Variants in POU2F1 observed in about 807,000 individuals in gnomAD.
POU2F1 encodes the protein POU domain, class 2, transcription factor 1.
POU2F1 carries 16 observed loss-of-function variants against 84.9 expected under a neutral mutation model. The ratio of observed to expected loss-of-function variants is 0.19; its 90% confidence interval spans 0.13 to 0.29. The LOEUF is 0.29. POU2F1 is among the 10% of genes least tolerant of loss of function. The pLI, the probability that POU2F1 is intolerant of heterozygous loss-of-function variation, is 1.00. For synonymous variants in POU2F1, 368 were observed against 368.3 expected (o/e 1.00, Z 0.01); for missense variants, 738 against 942.6 (o/e 0.78, Z 2.84).
intron 8 of POU2F1, among the ~76,000 whole-genome samples, 184 bp downstream of exon 8, chr1:167,384,135 G>C (rs1406172389): frequency 6.6e-6 from 1 of 152,140 alleles, no homozygotes; most frequent in Non-Finnish European, 1.5e-5. Flanking sequence ...AAAATCTTCA[G>C]AGTTCCTGTT....
intron 8 of POU2F1, among the ~76,000 whole-genome samples, chr1:167,386,227 C>G (rs986937081): frequency 2.0e-5 from 3 of 152,314 alleles, no homozygotes; most frequent in Admixed American, 6.5e-5. Flanking sequence ...AGGTCTTGCT[C>G]TGTCACCCAG....
chr1:167,413,611 A>G (rs1650118886), intron 15 of POU2F1, among the ~76,000 whole-genome samples: 1 of 152,210 alleles, frequency 6.6e-6, no homozygotes, highest in African/African-American at 2.4e-5. Flanking sequence ...ATTCTCATTA[A>G]GTTCTGCTCT....
chr1:167,247,721 T>TTC (rs761868096), intron 1 of POU2F1, among the ~76,000 whole-genome samples: 8 of 152,218 alleles, frequency 5.3e-5, no homozygotes, highest in Non-Finnish European at 8.8e-5. Flanking sequence ...GAATATGTCT[T>TTC]TATGACTTAT....
chr1:167,313,087 A>G (rs1402428033), intron 1 of POU2F1, among the ~76,000 whole-genome samples: 1 of 152,210 alleles, frequency 6.6e-6, no homozygotes, highest in African/African-American at 2.4e-5. Context: ...ATTGTTAAAC[A>G]AAGTATGACT....
chr1:167,285,390 G>A (rs1653451750), intron 1 of POU2F1, among the ~76,000 whole-genome samples: 1 of 152,116 alleles, frequency 6.6e-6, no homozygotes, highest in South Asian at 2.1e-4. Flanking sequence ...GGATCACGAG[G>A]TCAGGAGATC....
intron 1 of POU2F1, among the ~76,000 whole-genome samples, chr1:167,303,175 T>A (rs1305609564): frequency 6.6e-6 from 1 of 151,758 alleles, no homozygotes; most frequent in Non-Finnish European, 1.5e-5. Context: ...ATGCACCCTT[T>A]AAAAAAAACC....
At chr1:167,267,236 A>C (rs547623789) in intron 1 of POU2F1, among the ~76,000 whole-genome samples, 13 of 152,090 alleles carry the variant, frequency 8.5e-5, no homozygotes, top group South Asian at 4.2e-4. Context: ...GAAAAAAAAA[A>C]CCCACAAAAG....
intron 1 of POU2F1, among the ~76,000 whole-genome samples, chr1:167,331,175 T>C (rs1298935736): frequency 1.3e-5 from 2 of 152,120 alleles, no homozygotes; most frequent in South Asian, 2.1e-4. Flanking sequence ...ACCAAAGTTA[T>C]GACAGAACTG....
At chr1:167,367,454 T>A (rs1659756402) in intron 3 of POU2F1, among the ~76,000 whole-genome samples, 1 of 152,232 alleles carries the variant, frequency 6.6e-6, no homozygotes, top group Admixed American at 6.5e-5. Flanking sequence ...ATGAGACTAC[T>A]GAGGAAGAAA....
chr1:167,411,389 A>T (rs1649955498), intron 13 of POU2F1, among the ~76,000 whole-genome samples: 1 of 150,934 alleles, frequency 6.6e-6, no homozygotes, highest in Non-Finnish European at 1.5e-5. Context: ...TGAGATTCAT[A>T]GTATCATTGT....
chr1:167,262,277 C>T (rs1651624688), intron 1 of POU2F1, among the ~76,000 whole-genome samples: 1 of 152,048 alleles, frequency 6.6e-6, no homozygotes, highest in African/African-American at 2.4e-5. Flanking sequence ...AGTGATCCTC[C>T]CACCTCAGCC....
At chr1:167,276,913 G>A (rs1003908994) in intron 1 of POU2F1, among the ~76,000 whole-genome samples, 3 of 152,094 alleles carry the variant, frequency 2.0e-5, no homozygotes, top group Non-Finnish European at 4.4e-5. Flanking sequence ...GAAAGGATGG[G>A]CAGAAAAAAA....
chr1:167,341,219 T>G (rs1216128367), intron 2 of POU2F1, among the ~76,000 whole-genome samples: 1 of 152,214 alleles, frequency 6.6e-6, no homozygotes. Context: ...TGCTTATTAT[T>G]ATCTTTGAAA....
intron 1 of POU2F1, among the ~76,000 whole-genome samples, chr1:167,286,457 T>G (rs549091937): frequency 6.6e-6 from 1 of 152,320 alleles, no homozygotes; most frequent in East Asian, 1.9e-4. Flanking sequence ...GTCTTAAAAA[T>G]ATAGAGAGCA....
chr1:167,221,914 C>G (rs1363869394), intron 1 of POU2F1, among the ~76,000 whole-genome samples: 2 of 151,900 alleles, frequency 1.3e-5, no homozygotes, highest in Non-Finnish European at 2.9e-5. Flanking sequence ...CCCCGGCCGG[C>G]GGTCGGCAGC....
At chr1:167,248,049 C>T (rs1190684380) in intron 1 of POU2F1, among the ~76,000 whole-genome samples, 1 of 152,164 alleles carries the variant, frequency 6.6e-6, no homozygotes, top group Non-Finnish European at 1.5e-5. Context: ...ACAGAGTATA[C>T]AGCAGTTTAC....
chr1:167,247,804 T>C (rs1650446183), intron 1 of POU2F1, among the ~76,000 whole-genome samples: 1 of 152,208 alleles, frequency 6.6e-6, no homozygotes, highest in African/African-American at 2.4e-5. Context: ...TGCTTAAATA[T>C]TAAACAAAAA....
intron 2 of POU2F1, among the ~76,000 whole-genome samples, chr1:167,363,150 A>T (rs71632304): frequency 0.012 from 1,844 of 152,280 alleles, 14 homozygotes; most frequent in South Asian, 0.026. Flanking sequence ...GTGCTTTGTG[A>T]CTTATAAGAA....
At chr1:167,315,259 C>G (rs1655802223) in intron 1 of POU2F1, among the ~76,000 whole-genome samples, 1 of 152,124 alleles carries the variant, frequency 6.6e-6, no homozygotes, top group Non-Finnish European at 1.5e-5. Context: ...GCATTTATCC[C>G]AGAGAAATAA....
Sources: allele counts gnomAD v4.1 joint callset (sites outside exome capture counted in the v4.1 genomes callset), GRCh38; gene constraint gnomAD v4.1.1; transcripts MANE v1.5; gene names NCBI Gene and HGNC (gene_info 2026-07-23, HGNC 2026-07-21).